Variants in DENND2A observed in about 807,000 individuals in gnomAD.
DENND2A encodes DENN domain containing 2A, also known as DENN domain-containing protein 2A.
A neutral mutation model predicts 105.3 loss-of-function variants in DENND2A; 53 were observed. That is an observed-to-expected ratio of 0.50 (90% CI 0.40 to 0.63). The LOEUF is 0.63. Ranked by LOEUF, DENND2A falls within the 30% of genes least tolerant of loss-of-function variation. DENND2A has a pLI of 0.00. For synonymous variants in DENND2A, 522 were observed against 508.4 expected (o/e 1.03, Z -0.36); for missense variants, 1,138 against 1,279.6 (o/e 0.89, Z 1.69).
rs1463787438 is a variant in DENND2A at position 140,602,270 on chromosome 7, G to A, written c.128C>T (p.Ser43Phe). The change falls in exon 3 of 20, where the codon TCC becomes TTC. Residue 43 changes from serine (S) to phenylalanine (F), a missense_variant. By Grantham distance (155) the Ser-to-Phe change is radical (BLOSUM62 -2). Coordinates refer to ENST00000496613, the MANE Select transcript of DENND2A (RefSeq NM_015689.5). The part of the protein sequence containing the change: ...PSARARPRHK[S>F]LNIKDKISEW... ...TGATATCTTGTCCTTTATGTTGAGG[G>A]ACTTGTGCCGGGGTCTGGCTCTGGC... The A allele has an allele frequency of 2.5e-6, 4 of 1,612,424 alleles. No individual in the cohort carries two copies. The South Asian group carries it at 3.3e-5, about 13-fold the overall frequency.
intron 14 of DENND2A, 179 bp downstream of exon 14, chr7:140,544,439 C>T: frequency 1.3e-6 from 1 of 749,496 alleles, no homozygotes; most frequent in South Asian, 1.6e-5. Flanking sequence ...AAGTGATCCA[C>T]CCACCTCAGC....
At position 140,559,790 on chromosome 7, in the gene DENND2A, C is replaced by T. The variant is rs1221268986; in HGVS notation, c.1807G>A (p.Glu603Lys). 6.2e-7 allele frequency: 1 copy of T among 1,614,098 alleles called. No individual in the cohort carries two copies. The highest frequency in any genetic ancestry group is 1.7e-5 in the Admixed American group (1 of 60,008). Residue 603 changes from glutamate (E) to lysine (K), a missense_variant, in exon 10 of 20, where the codon GAA becomes AAA. By Grantham distance (56) the Glu-to-Lys change is moderately conservative. Coordinates refer to ENST00000496613, the MANE Select transcript of DENND2A (RefSeq NM_015689.5). The surrounding 1 kb of genome is among the most constrained non-coding windows in gnomAD (Gnocchi z 4.1). ...KLERSFKFMR[E>K]AEDQLKAIPQ... Reference sequence around the variant, plus strand: ...ATGGCCTTCAGTTGGTCCTCAGCTTCTCTCATGAACTTGAAAGACCTTTCC... The same window carrying T: ...ATGGCCTTCAGTTGGTCCTCAGCTTTTCTCATGAACTTGAAAGACCTTTCC...
intron 6 of DENND2A, among the ~76,000 whole-genome samples, chr7:140,572,349 C>A (rs2130607943): frequency 6.6e-6 from 1 of 152,042 alleles, no homozygotes; most frequent in Admixed American, 6.6e-5. Flanking sequence ...TCAGAGAAGT[C>A]CCTTGAAAGC....
At chr7:140,587,955 G>A in intron 3 of DENND2A, among the ~76,000 whole-genome samples, 175 bp from the exon 4 acceptor site, 1 of 152,178 alleles carries the variant, frequency 6.6e-6, no homozygotes, top group East Asian at 1.9e-4. Flanking sequence ...CCGTTGCCCA[G>A]GCTGGAGGGC....
At chr7:140,611,545 A>AT (rs1487977573) in intron 1 of DENND2A, among the ~76,000 whole-genome samples, 2 of 152,166 alleles carry the variant, frequency 1.3e-5, no homozygotes. Flanking sequence ...CTCAAAATAA[A>AT]TAAATACATA....
At chr7:140,606,775 G>T (rs568786891) in intron 1 of DENND2A, among the ~76,000 whole-genome samples, 2 of 152,200 alleles carry the variant, frequency 1.3e-5, no homozygotes, top group Non-Finnish European at 2.9e-5. Flanking sequence ...AGCAAGGCCT[G>T]TGTGGATACC....
intron 12 of DENND2A, among the ~76,000 whole-genome samples, chr7:140,552,045 A>T (rs1797159440): frequency 6.6e-6 from 1 of 152,262 alleles, no homozygotes; most frequent in African/African-American, 2.4e-5. Context: ...CTCCACTTGG[A>T]AGCTGGCCTA....
At chr7:140,636,208 G>A (rs1800926221) in intron 1 of DENND2A, among the ~76,000 whole-genome samples, 1 of 152,098 alleles carries the variant, frequency 6.6e-6, no homozygotes, top group Admixed American at 6.5e-5. Context: ...GGGCAGAGAG[G>A]CAGTGGTGAG....
rs760461662 is a variant in DENND2A, at chr7:140,568,786, C to G, written c.1568G>C (p.Ser523Thr). 1 of 1,614,190 alleles carries G rather than the reference C, an allele frequency of 6.2e-7. No individual in the cohort carries two copies. Residue 523 changes from serine to threonine, a missense_variant, in exon 8 of 20, where the codon AGT becomes ACT. By Grantham distance (58) the Ser-to-Thr change is moderately conservative. Coordinates refer to ENST00000496613, the MANE Select transcript of DENND2A (RefSeq NM_015689.5). Reference protein sequence around the residue: ...KVTDENSESDSDTEEKLKAHS... With the variant: ...KVTDENSESDTDTEEKLKAHS... ...ACCTTTCAGCTTCTCCTCTGTGTCA[C>G]TGTCAGACTCACTGTTCTCATCTGT...
chr7:140,573,725 TCTC>T (rs1798187961), intron 6 of DENND2A, 80 bp downstream of exon 6: 4 of 1,451,926 alleles, frequency 2.8e-6, no homozygotes, highest in Non-Finnish European at 3.8e-6. Context: ...AGTGATGTAT[TCTC>T]CACCCAGACC....
Position 140,546,837 on chromosome 7 carries a change from T to C in DENND2A, c.2140A>G (p.Ile714Val). ...EAPFPALGKT[I>V]LVKNFLPGSG... ...CCTGGCAGGAAGTTCTTGACAAGGA[T>C]GGTTTTGCCCAGGGCTGGGAAAGGG... The change falls in exon 13 of 20, where the codon ATC becomes GTC. Residue 714 changes from isoleucine to valine, a missense_variant. This residue lies in a region of DENND2A where 627 missense variants were observed against 779.8 expected (regional missense o/e 0.80). Coordinates refer to ENST00000496613, the MANE Select transcript of DENND2A (RefSeq NM_015689.5). The C allele has an allele frequency of 6.2e-7, 1 of 1,614,134 alleles. No homozygotes were observed. The highest frequency in any genetic ancestry group is 8.5e-7 in the Non-Finnish European group (1 of 1,179,996).
intron 2 of DENND2A, among the ~76,000 whole-genome samples, chr7:140,604,308 G>T (rs1398245599): frequency 6.6e-6 from 1 of 152,238 alleles, no homozygotes; most frequent in African/African-American, 2.4e-5. Context: ...CACTGTTCTT[G>T]GTTGCATGGC....
chr7:140,638,788 C>T (rs923385031), intron 1 of DENND2A, among the ~76,000 whole-genome samples: 1 of 152,220 alleles, frequency 6.6e-6, no homozygotes, highest in Non-Finnish European at 1.5e-5. Flanking sequence ...CAGGGCTTAG[C>T]CCAAGCATCA....
At chr7:140,572,282 C>T (rs1184191265) in intron 6 of DENND2A, among the ~76,000 whole-genome samples, 15 of 151,052 alleles carry the variant, frequency 9.9e-5, no homozygotes, top group Admixed American at 9.9e-4. Context: ...GCTGGGATTA[C>T]AGGTGTGAGC....
chr7:140,639,058 G>A (rs550045020), intron 1 of DENND2A, among the ~76,000 whole-genome samples: 52 of 152,280 alleles, frequency 3.4e-4, no homozygotes, highest in African/African-American at 1.3e-3. Context: ...CTTCCAGAAT[G>A]AAAGGACTGG....
chr7:140,547,842 T>G (rs1233203429), intron 12 of DENND2A, among the ~76,000 whole-genome samples: 1 of 152,184 alleles, frequency 6.6e-6, no homozygotes. Context: ...GGATGACTCT[T>G]GAAAACATTA....
At position 140,627,208 on chromosome 7, in the gene DENND2A, T is replaced by TTTTAG. The variant is rs539996732; in HGVS notation, c.-248+13291_-248+13295dup. Among the ~76,000 whole-genome samples the TTTTAG allele has an allele frequency of 6.5e-3, 988 of 152,196 alleles. 12 individuals are homozygous for TTTTAG. Among genetic ancestry groups the TTTTAG allele is most frequent in the African/African-American group, 0.023 (942 of 41,528 alleles). ...TTATTGTAAATATTTATTTATTTAT[T>TTTTAG]TTTAGTTTAGTTTAGTTTTTTGAGA... On this transcript the variant is annotated intron_variant, in intron 1 of 19. Coordinates refer to ENST00000496613, the MANE Select transcript of DENND2A (RefSeq NM_015689.5).
intron 1 of DENND2A, among the ~76,000 whole-genome samples, chr7:140,628,528 ATTTC>A (rs1800614244): frequency 3.5e-5 from 5 of 143,260 alleles, no homozygotes; most frequent in African/African-American, 5.2e-5. Flanking sequence ...TTGGCCTAAA[ATTTC>A]TTTCTTTTTT....
intron 1 of DENND2A, chr7:140,609,797 G>GC (rs1437905348): frequency 6.6e-6 from 1 of 152,084 alleles, no homozygotes; most frequent in African/African-American, 2.4e-5. Flanking sequence ...TTTTCTTTGG[G>GC]CATTGACATC....
Sources: allele counts gnomAD v4.1 joint callset (sites outside exome capture counted in the v4.1 genomes callset), GRCh38; gene constraint gnomAD v4.1.1; regional missense constraint gnomAD v4.1.1; non-coding constraint Gnocchi (gnomAD v3.1); transcripts MANE v1.5; gene names NCBI Gene and HGNC (gene_info 2026-07-23, HGNC 2026-07-21).